EYS: variants seen among roughly 807,000 people sequenced by gnomAD.
The protein encoded by EYS is EGF-like photoreceptor maintenance factor.
A neutral mutation model predicts 282.1 loss-of-function variants in EYS; 250 were observed. The observed-to-expected ratio is 0.89, with a 90% CI of 0.80 to 0.98. EYS has a LOEUF of 0.98. Among genes scored for constraint, EYS ranks in the 50% least tolerant of loss-of-function variants. EYS has a pLI of 0.00. For missense variants in EYS, 4,016 were observed against 3,709.0 expected, an observed-to-expected ratio of 1.08 and a Z score of -2.15; for synonymous variants, 1,355 against 1,282.9, an observed-to-expected ratio of 1.06 and a Z score of -1.20.
intron 35 of EYS, among the ~76,000 whole-genome samples, chr6:63,978,791 C>G: frequency 6.6e-6 from 1 of 151,852 alleles, no homozygotes; most frequent in East Asian, 1.9e-4. Flanking sequence ...CAATTTATGC[C>G]TCCTACCTCA....
chr6:64,698,262 C>T (rs1333779321), intron 22 of EYS, among the ~76,000 whole-genome samples: 1 of 151,950 alleles, frequency 6.6e-6, no homozygotes, highest in Non-Finnish European at 1.5e-5. Context: ...CCTGCCATTA[C>T]CTCAATGAAC....
chr6:64,151,752 A>C (rs1697174507), intron 31 of EYS, among the ~76,000 whole-genome samples: 1 of 152,198 alleles, frequency 6.6e-6, no homozygotes, highest in South Asian at 2.1e-4. Context: ...GAAAATACAA[A>C]AGCAAAACTG....
chr6:65,239,455 A>C (rs533835937), intron 12 of EYS, among the ~76,000 whole-genome samples: 1 of 152,102 alleles, frequency 6.6e-6, no homozygotes, highest in African/African-American at 2.4e-5. Flanking sequence ...TTTGCTAAAT[A>C]CATAATGTAA....
intron 35 of EYS, among the ~76,000 whole-genome samples, chr6:63,894,879 G>A (rs983631177): frequency 2.4e-4 from 37 of 151,964 alleles, no homozygotes; most frequent in Admixed American, 2.2e-3. Flanking sequence ...TAGCCACTGC[G>A]CCCGGCCAAA....
intron 5 of EYS, among the ~76,000 whole-genome samples, chr6:65,452,891 G>C (rs1205512946): frequency 6.6e-6 from 1 of 151,864 alleles, no homozygotes; most frequent in African/African-American, 2.4e-5. Flanking sequence ...AACTGTAACA[G>C]GCAATCAATC....
intron 5 of EYS, among the ~76,000 whole-genome samples, chr6:65,410,012 C>T (rs1213857772): frequency 6.6e-6 from 1 of 151,754 alleles, no homozygotes; most frequent in East Asian, 1.9e-4. Flanking sequence ...TGTATTTCTC[C>T]ATGTTATGAT....
At chr6:64,071,517 A>G (rs947097908) in intron 32 of EYS, among the ~76,000 whole-genome samples, 17 of 151,542 alleles carry the variant, frequency 1.1e-4, no homozygotes, top group African/African-American at 4.1e-4. Flanking sequence ...TACTACATAA[A>G]TTAATAAGTA....
chr6:65,114,090 T>A lies in EYS; in HGVS notation c.2024-56363A>T, dbSNP rs567766015. On this transcript the variant is annotated intron_variant, in intron 12 of 42. Coordinates refer to ENST00000503581, the MANE Select transcript of EYS (RefSeq NM_001142800.2). ...GAGAAACAAATATAAGAATTACTAATGAATATATTTAATACAAATAAAACA... is the reference window on the plus strand; with the variant it reads ...GAGAAACAAATATAAGAATTACTAAAGAATATATTTAATACAAATAAAACA... Among the ~76,000 whole-genome samples the A allele has an allele frequency of 3.3e-5, 5 of 152,056 alleles. No individual in the cohort carries two copies. In the East Asian group the frequency reaches 9.6e-4, roughly 29 times the overall value.
chr6:64,981,037 G>T (rs1444661399), intron 14 of EYS, among the ~76,000 whole-genome samples: 4 of 151,200 alleles, frequency 2.6e-5, no homozygotes, highest in South Asian at 2.1e-4. Context: ...ACTTAGAAAA[G>T]GTTTGATCAA....
intron 12 of EYS, among the ~76,000 whole-genome samples, chr6:65,293,302 T>G (rs533855274): frequency 6.6e-6 from 1 of 151,804 alleles, no homozygotes; most frequent in East Asian, 1.9e-4. Flanking sequence ...ACTAAAATAT[T>G]ATAGATATAA....
chr6:64,058,090 G>A (rs998292204), intron 33 of EYS, among the ~76,000 whole-genome samples: 4 of 152,074 alleles, frequency 2.6e-5, no homozygotes, highest in African/African-American at 9.7e-5. Flanking sequence ...GGGTTTTCCT[G>A]TGCTGTTCTC....
intron 12 of EYS, among the ~76,000 whole-genome samples, chr6:65,113,965 G>C (rs16880343): frequency 6.6e-6 from 1 of 151,738 alleles, no homozygotes; most frequent in Non-Finnish European, 1.5e-5. Flanking sequence ...CTTATTAAAC[G>C]ATGGCACTAA....
At chr6:65,462,502 T>C (rs1232983361) in intron 5 of EYS, among the ~76,000 whole-genome samples, 1 of 152,052 alleles carries the variant, frequency 6.6e-6, no homozygotes, top group Non-Finnish European at 1.5e-5. Flanking sequence ...GAACAATAAC[T>C]GGAAGTAGAA....
intron 15 of EYS, among the ~76,000 whole-genome samples, chr6:64,919,086 A>G (rs535464299): frequency 3.8e-4 from 58 of 152,330 alleles, no homozygotes; most frequent in Middle Eastern, 3.4e-3. Context: ...TAGGCAGGAA[A>G]GAGTTCTACT....
At chr6:65,014,754 C>A (rs1477351539) in intron 13 of EYS, among the ~76,000 whole-genome samples, 1 of 152,142 alleles carries the variant, frequency 6.6e-6, no homozygotes, top group East Asian at 1.9e-4. Context: ...AAATGATGCC[C>A]TCCCACTCCC....
At chr6:64,967,816 T>C (rs1770149606) in intron 14 of EYS, among the ~76,000 whole-genome samples, 1 of 152,226 alleles carries the variant, frequency 6.6e-6, no homozygotes, top group Non-Finnish European at 1.5e-5. Flanking sequence ...TGTATAAAAA[T>C]GGCTGCTCCA....
intron 31 of EYS, among the ~76,000 whole-genome samples, chr6:64,198,457 C>T (rs1765364882): frequency 6.6e-6 from 1 of 152,042 alleles, no homozygotes; most frequent in Non-Finnish European, 1.5e-5. Context: ...GGTATTTGTC[C>T]TAATGCTAGC....
At chr6:63,752,678 G>A (rs1327922068) in intron 41 of EYS, among the ~76,000 whole-genome samples, 1 of 151,598 alleles carries the variant, frequency 6.6e-6, no homozygotes, top group Non-Finnish European at 1.5e-5. Context: ...TGTATTTTTA[G>A]TAGAGACGGG....
intron 30 of EYS, among the ~76,000 whole-genome samples, chr6:64,289,245 G>A (rs1293191729): frequency 6.6e-6 from 1 of 151,802 alleles, no homozygotes; most frequent in Non-Finnish European, 1.5e-5. Context: ...TCCTCTTCTG[G>A]TAAACTCCCA....
Sources: allele counts gnomAD v4.1 joint callset (sites outside exome capture counted in the v4.1 genomes callset), GRCh38; gene constraint gnomAD v4.1.1; transcripts MANE v1.5; gene names NCBI Gene and HGNC (gene_info 2026-07-23, HGNC 2026-07-21).